Variants in MYLK observed in about 807,000 individuals in gnomAD.
The protein encoded by MYLK is myosin light chain kinase, smooth muscle.
Under a neutral mutation model 203.4 loss-of-function variants are expected in MYLK, and 106 were observed. That is an observed-to-expected ratio of 0.52 (90% confidence interval 0.45 to 0.61). The LOEUF is 0.61. Ranked by LOEUF, MYLK falls within the 20% of genes least tolerant of loss-of-function variation. The pLI is 0.00. For synonymous variants in MYLK, 867 were observed against 959.5 expected (o/e 0.90, Z 1.78); for missense variants, 2,072 against 2,442.3 (o/e 0.85, Z 3.20).
chr3:123,749,122 T>A (rs2063116608), intron 5 of MYLK, among the ~76,000 whole-genome samples: 1 of 103,274 alleles, frequency 9.7e-6, no homozygotes, highest in Non-Finnish European at 2.2e-5. Context: ...TACATACAAA[T>A]ACATAAATTA....
At chr3:123,859,362 T>C (rs2031696837) in intron 2 of MYLK, among the ~76,000 whole-genome samples, 1 of 152,250 alleles carries the variant, frequency 6.6e-6, no homozygotes, top group East Asian at 1.9e-4. Context: ...ATGTTTTAGG[T>C]ATGTATACAT....
chr3:123,781,383 C>T (rs1474339252), intron 4 of MYLK, among the ~76,000 whole-genome samples: 1 of 152,192 alleles, frequency 6.6e-6, no homozygotes, highest in Non-Finnish European at 1.5e-5. Flanking sequence ...AGAGGCCTGG[C>T]CTCATCCTTC....
chr3:123,704,332 C>T (rs1233105040), intron 16 of MYLK, among the ~76,000 whole-genome samples: 1 of 152,196 alleles, frequency 6.6e-6, no homozygotes, highest in African/African-American at 2.4e-5. Flanking sequence ...TGTCAGATCA[C>T]CTAAGCTGCT....
At chr3:123,665,436 G>C (rs2059703672) in intron 22 of MYLK, among the ~76,000 whole-genome samples, 3 of 152,204 alleles carry the variant, frequency 2.0e-5, no homozygotes. Context: ...CATCTTTTGA[G>C]ACCAACCCTA....
intron 3 of MYLK, among the ~76,000 whole-genome samples, chr3:123,829,169 T>G (rs1475882963): frequency 6.6e-6 from 1 of 152,066 alleles, no homozygotes; most frequent in African/African-American, 2.4e-5. Flanking sequence ...CTATTTACAA[T>G]AGCCAAGAAA....
chr3:123,814,834 C>T (rs1275686899), intron 3 of MYLK, among the ~76,000 whole-genome samples: 1 of 151,962 alleles, frequency 6.6e-6, no homozygotes, highest in Non-Finnish European at 1.5e-5. Context: ...ATTCTGTTAC[C>T]CAGGCTGGAG....
intron 2 of MYLK, among the ~76,000 whole-genome samples, chr3:123,862,668 A>G (rs1461749591): frequency 6.6e-6 from 1 of 152,178 alleles, no homozygotes; most frequent in East Asian, 1.9e-4. Flanking sequence ...GACTAGCTGT[A>G]TCTTGCCTAT....
Position 123,733,966 on chromosome 3 carries a change from A to T in MYLK, c.1030T>A (p.Ser344Thr), listed in dbSNP as rs1033877804. 6.2e-7 allele frequency: 1 copy of T among 1,614,086 alleles called. No individual in the cohort carries two copies. Among genetic ancestry groups the T allele is most frequent in the Admixed American group, 1.7e-5 (1 of 60,020 alleles). The change falls in exon 10 of 34, where the codon TCC becomes ACC. Residue 344 changes from serine to threonine, a missense_variant. Physicochemically the swap from Ser to Thr is moderately conservative, Grantham distance 58. Coordinates refer to ENST00000360304, the MANE Select transcript of MYLK (RefSeq NM_053025.4). ...QTPVLQKTSS[S>T]ITLQAARVQP... ...ACTCTTGCGGCCTGCAGGGTGATGGAGCTGGAAGTCTTCTGAAGGACCGGG... is the reference window on the plus strand; with the variant it reads ...ACTCTTGCGGCCTGCAGGGTGATGGTGCTGGAAGTCTTCTGAAGGACCGGG...
chr3:123,631,873 CTTTT>C (rs11391919), intron 29 of MYLK, among the ~76,000 whole-genome samples: 3 of 140,398 alleles, frequency 2.1e-5, no homozygotes, highest in East Asian at 4.2e-4. Context: ...TCTCCTTTTT[CTTTT>C]TTTTTTTTTT....
intron 1 of MYLK, among the ~76,000 whole-genome samples, chr3:123,878,730 T>G (rs2033315779): frequency 6.6e-6 from 1 of 152,118 alleles, no homozygotes; most frequent in South Asian, 2.1e-4. Context: ...TCTTGTTGCC[T>G]AGGCTGGAGT....
At position 123,653,986 on chromosome 3, in the gene MYLK, T is replaced by TTGGGTGTG. The variant is rs1553783586; in HGVS notation, c.4288+3139_4288+3140insCACACCCA. 8.4e-3 allele frequency among the ~76,000 whole-genome samples: 1,154 copies of TTGGGTGTG among 137,754 alleles called. 7 individuals carry two copies. The highest frequency in any genetic ancestry group is 0.044 in the Middle Eastern group (12 of 270). The allele number at this position is 137,754 out of a possible 152,430, so 90.4% of individuals were successfully genotyped here. The stretch of plus-strand genomic sequence containing the variant: ...CCACTCTGCTCATTTCAGAGGGATG[T>TTGGGTGTG]TGTGTGTGTGTGTGTGTGTGTGTGT... On this transcript the variant is annotated intron_variant, in intron 24 of 33. Coordinates refer to ENST00000360304, the MANE Select transcript of MYLK (RefSeq NM_053025.4).
At chr3:123,702,020 T>C (rs1397197580) in intron 16 of MYLK, among the ~76,000 whole-genome samples, 1 of 152,190 alleles carries the variant, frequency 6.6e-6, no homozygotes, top group Non-Finnish European at 1.5e-5. Flanking sequence ...TTGATAATGC[T>C]CTCAGATCAG....
At chr3:123,754,562 T>C (rs765509260) in intron 4 of MYLK, among the ~76,000 whole-genome samples, 1 of 152,158 alleles carries the variant, frequency 6.6e-6, no homozygotes, top group Non-Finnish European at 1.5e-5. Context: ...AAAACAAGTG[T>C]TCCAGAACTT....
Position 123,859,879 on chromosome 3 carries a change from T to A in MYLK, c.-127+16680A>T, listed in dbSNP as rs374255292. Among the ~76,000 whole-genome samples, 28 of 151,970 alleles carry A rather than the reference T, an allele frequency of 1.8e-4. No homozygotes were observed. The East Asian group carries it at 4.1e-3, about 22-fold the overall frequency. Reference sequence around the variant, plus strand: ...GGGGATCAAATTGCTGCCAGTAATTTCCCCTTTAGGTAACAGATACAAAAA... The same window carrying A: ...GGGGATCAAATTGCTGCCAGTAATTACCCCTTTAGGTAACAGATACAAAAA... On this transcript the variant is annotated intron_variant, in intron 2 of 33. Transcript: ENST00000360304.
Position 123,733,807 on chromosome 3 carries a change from T to G in MYLK, c.1189A>C (p.Lys397Gln). 6.2e-7 allele frequency: 1 copy of G among 1,614,222 alleles called. No individual in the cohort carries two copies. The highest frequency in any genetic ancestry group is 8.5e-7 in the Non-Finnish European group (1 of 1,180,038). ...ATGGGGATTCTCCTGTTAGCAGCCT[T>G]GCTCACAACATCTTGGCTCCCCAGG... ...PGLGSQDVVS[K>Q]AANRRIPMEG... is the part of the protein sequence containing the mutation. The change falls in exon 10 of 34, where the codon AAG (lysine) becomes CAG (glutamine). Residue 397 changes from lysine (K) to glutamine (Q), a missense_variant. Coordinates refer to ENST00000360304, the MANE Select transcript of MYLK (RefSeq NM_053025.4).
chr3:123,859,487 C>T (rs554165282), intron 2 of MYLK, among the ~76,000 whole-genome samples: 9 of 152,348 alleles, frequency 5.9e-5, no homozygotes, highest in South Asian at 2.1e-4. Context: ...TTAAGTCCTT[C>T]CAGACATGGG....
chr3:123,653,048 G>A (rs1035767142), intron 24 of MYLK, among the ~76,000 whole-genome samples: 1 of 152,196 alleles, frequency 6.6e-6, no homozygotes, highest in Admixed American at 6.5e-5. Context: ...AATGAGGCAT[G>A]AGAATGAAGT....
intron 20 of MYLK, among the ~76,000 whole-genome samples, chr3:123,671,345 G>T (rs933186532): frequency 6.6e-6 from 1 of 152,212 alleles, no homozygotes; most frequent in Non-Finnish European, 1.5e-5. Context: ...CTTGAAGATG[G>T]GTCAATTCTT....
At chr3:123,660,094 A>G (rs1004643969) in intron 23 of MYLK, among the ~76,000 whole-genome samples, 3 of 152,208 alleles carry the variant, frequency 2.0e-5, no homozygotes, top group South Asian at 2.1e-4. Flanking sequence ...CCCACATGTC[A>G]TCTACCTGGA....
Sources: allele counts gnomAD v4.1 joint callset (sites outside exome capture counted in the v4.1 genomes callset), GRCh38; gene constraint gnomAD v4.1.1; transcripts MANE v1.5; gene names NCBI Gene and HGNC (gene_info 2026-07-23, HGNC 2026-07-21).